The following PLCG2 variants were observed in gnomAD, a reference collection of about 807,000 sequenced individuals.
PLCG2 encodes phospholipase C gamma 2.
Under a neutral mutation model 175.6 loss-of-function variants are expected in PLCG2, and 69 were observed. The ratio of observed to expected loss-of-function variants is 0.39; its 90% CI spans 0.32 to 0.48. The LOEUF (loss-of-function observed/expected upper bound fraction) is 0.48. Among genes scored for constraint, PLCG2 ranks in the 20% least tolerant of loss-of-function variants. PLCG2 has a pLI of 0.91. For synonymous variants in PLCG2, 827 were observed against 624.0 expected (o/e 1.33, Z -4.85); for missense variants, 1,798 against 1,650.9 (o/e 1.09, Z -1.54).
chr16:81,788,951 A>C (rs1911104456), intron 2 of PLCG2, among the ~76,000 whole-genome samples: 1 of 152,192 alleles, frequency 6.6e-6, no homozygotes, highest in Non-Finnish European at 1.5e-5. Flanking sequence ...GGCCACGTTG[A>C]GACTGGACTG....
intron 14 of PLCG2, among the ~76,000 whole-genome samples, chr16:81,904,866 A>T (rs1297433893): frequency 1.3e-5 from 2 of 152,000 alleles, no homozygotes; most frequent in Non-Finnish European, 1.5e-5. Context: ...GCAGGATAGG[A>T]AGGGGAGTGT....
At chr16:81,786,751 T>A (rs575227751) in intron 2 of PLCG2, among the ~76,000 whole-genome samples, 20 of 152,254 alleles carry the variant, frequency 1.3e-4, no homozygotes, top group Non-Finnish European at 2.8e-4. Flanking sequence ...CTAAAGTTTC[T>A]AAGACTGTTT....
In PLCG2 at chr16:81,792,353, A is replaced by T. The variant is rs146385550; in HGVS notation, c.193+6171A>T. On this transcript the variant is annotated intron_variant, in intron 2 of 32. Transcript: ENST00000564138. Reference sequence around the variant, plus strand: ...TAAAATTGGCTGGGTGTAGTGGCACATGCCTGTAGTCCCAGCTACTTGGGA... The same window carrying T: ...TAAAATTGGCTGGGTGTAGTGGCACTTGCCTGTAGTCCCAGCTACTTGGGA... Among the ~76,000 whole-genome samples the T allele has an allele frequency of 7.6e-3, 1,159 of 151,968 alleles. 13 individuals carry two copies. Among genetic ancestry groups the T allele is most frequent in the African/African-American group, 0.026 (1,082 of 41,422 alleles).
chr16:81,844,349 C>G (rs1409892921), intron 2 of PLCG2, among the ~76,000 whole-genome samples: 1 of 146,626 alleles, frequency 6.8e-6, no homozygotes, highest in Non-Finnish European at 1.5e-5. Context: ...GAGTTTCACT[C>G]TTGTTGCCCA....
intron 7 of PLCG2, among the ~76,000 whole-genome samples, chr16:81,874,327 A>G (rs1303190889): frequency 5.9e-5 from 9 of 152,154 alleles, no homozygotes; most frequent in Non-Finnish European, 1.3e-4. Context: ...CCTGACCCCA[A>G]AGAAGTTTTG....
chr16:81,866,753 C>T (rs1442923134), intron 5 of PLCG2, among the ~76,000 whole-genome samples: 5 of 152,016 alleles, frequency 3.3e-5, no homozygotes, highest in Non-Finnish European at 4.4e-5. Context: ...CTCCCTTGCT[C>T]CCAGGATGGG....
Position 81,786,001 on chromosome 16 carries a change from G to A in PLCG2, c.12G>A (p.Thr4=), listed in dbSNP as rs376949064. 4.6e-5 allele frequency: 75 copies of A among 1,613,832 alleles called. 1 individual carries two copies. In the East Asian group the frequency reaches 5.6e-4, roughly 12 times the overall value. Residue 4 remains threonine (T), a synonymous_variant, in exon 2 of 33, where the codon ACG becomes ACA. Transcript: ENST00000564138. ...TGGAGCGGCCGACAATGTCCACCAC[G>A]GTCAATGTAGATTCCCTTGCGGAAT... is the stretch of plus-strand genomic sequence containing the variant. MST[T]VNVDSLAEYE... is the part of the protein sequence containing the mutation.
intron 14 of PLCG2, 102 bp downstream of exon 14, chr16:81,900,882 C>A: frequency 9.8e-7 from 1 of 1,024,366 alleles, no homozygotes; most frequent in Non-Finnish European, 1.4e-6. Flanking sequence ...ACTGGGCCTG[C>A]TCCAGGTCCC....
At chr16:81,956,146 C>G (rs376358183) in intron 31 of PLCG2, among the ~76,000 whole-genome samples, 1 of 152,184 alleles carries the variant, frequency 6.6e-6, no homozygotes, top group East Asian at 1.9e-4. Context: ...TAAATGGCAT[C>G]GTGTGATTTG....
chr16:81,947,350 T>A (rs1485795644), intron 31 of PLCG2, among the ~76,000 whole-genome samples: 1 of 152,140 alleles, frequency 6.6e-6, no homozygotes, highest in Non-Finnish European at 1.5e-5. Context: ...AGCTGCTAGG[T>A]CTTGAGATTT....
intron 24 of PLCG2, among the ~76,000 whole-genome samples, chr16:81,930,316 T>C (rs1910446999): frequency 6.6e-6 from 1 of 152,210 alleles, no homozygotes. Flanking sequence ...GTAAGATCCT[T>C]TCTCTGTGTC....
In PLCG2 at chr16:81,863,945, A is replaced by T. The variant is rs12931737; in HGVS notation, c.479+4782A>T. On this transcript the variant is annotated intron_variant, in intron 5 of 32. Transcript: ENST00000564138. ...AAATAGGCTTCCTATTTGAGACTCCAGAATGTTAGAGTCACCTGGGGAAGC... is the reference window on the plus strand; with the variant it reads ...AAATAGGCTTCCTATTTGAGACTCCTGAATGTTAGAGTCACCTGGGGAAGC... Among the ~76,000 whole-genome samples the T allele has an allele frequency of 3.8e-3, 581 of 152,344 alleles. 3 individuals are homozygous for T. Among genetic ancestry groups the T allele is most frequent in the Middle Eastern group, 6.8e-3 (2 of 294 alleles).
intron 15 of PLCG2, among the ~76,000 whole-genome samples, chr16:81,907,298 A>G (rs1909415901): frequency 6.6e-6 from 1 of 151,968 alleles, no homozygotes; most frequent in Non-Finnish European, 1.5e-5. Flanking sequence ...ACTAAATTTC[A>G]TCGGGGGAAA....
chr16:81,795,298 G>C (rs1911417412), intron 2 of PLCG2, among the ~76,000 whole-genome samples: 1 of 152,216 alleles, frequency 6.6e-6, no homozygotes, highest in Non-Finnish European at 1.5e-5. Context: ...GCTGGGGAAG[G>C]CCTCAGGGTG....
chr16:81,948,247 G>A (rs113652744), intron 31 of PLCG2, among the ~76,000 whole-genome samples: 10 of 152,272 alleles, frequency 6.6e-5, no homozygotes, highest in Admixed American at 2.0e-4. Flanking sequence ...CTAAGTTGTC[G>A]TATTATATCC....
At chr16:81,839,162 A>G (rs1386231376) in intron 2 of PLCG2, among the ~76,000 whole-genome samples, 3 of 152,218 alleles carry the variant, frequency 2.0e-5, no homozygotes, top group African/African-American at 4.8e-5. Context: ...CCAAAAACAT[A>G]AAATCACTCT....
chr16:81,874,948 GTTTTTT>G (rs770994063), intron 7 of PLCG2, among the ~76,000 whole-genome samples: 6 of 40,770 alleles, frequency 1.5e-4, no homozygotes, highest in South Asian at 2.3e-3. Context: ...TATCCTATGT[GTTTTTT>G]TTTTTTTTTT....
chr16:81,896,410 AC>A (rs1908891695), intron 13 of PLCG2, among the ~76,000 whole-genome samples: 1 of 115,280 alleles, frequency 8.7e-6, no homozygotes, highest in Non-Finnish European at 2.0e-5. Flanking sequence ...ACACACACAC[AC>A]ACACACACAC....
intron 1 of PLCG2, among the ~76,000 whole-genome samples, chr16:81,744,992 TCC>T (rs1288873233): frequency 6.6e-6 from 1 of 152,202 alleles, no homozygotes; most frequent in Non-Finnish European, 1.5e-5. Flanking sequence ...TCATCTTAAC[TCC>T]AACCCTGGAC....
Sources: gnomAD v4.1 joint callset for allele counts (sites outside exome capture counted in the v4.1 genomes callset) on GRCh38, gnomAD v4.1.1 for gene constraint, MANE v1.5 for transcripts, NCBI Gene and HGNC (gene_info 2026-07-23, HGNC 2026-07-21) for gene names.